The following ATP8B4 variants were observed in gnomAD, a reference collection of about 807,000 sequenced individuals.
The protein encoded by ATP8B4 is ATPase phospholipid transporting 8B4 (putative), also known as probable phospholipid-transporting ATPase IM.
ATP8B4 carries 133 observed loss-of-function variants against 145.6 expected under a neutral mutation model. The ratio of observed to expected loss-of-function variants is 0.91; its 90% CI spans 0.79 to 1.05. ATP8B4 has a LOEUF of 1.05. Ranked by LOEUF, ATP8B4 falls within the 50% of genes least tolerant of loss-of-function variation. The pLI is 0.00. For synonymous variants in ATP8B4, 507 were observed against 492.9 expected, an observed-to-expected ratio of 1.03 and a Z score of -0.38; for missense variants, 1,458 against 1,425.2, an observed-to-expected ratio of 1.02 and a Z score of -0.37.
At chr15:49,915,310 G>A (rs1416724797) in intron 20 of ATP8B4, among the ~76,000 whole-genome samples, 1 of 152,114 alleles carries the variant, frequency 6.6e-6, no homozygotes, top group Non-Finnish European at 1.5e-5. Flanking sequence ...AGGTTGTATG[G>A]GTGGGAATGC....
rs536274400 is a variant in ATP8B4 at position 49,966,699 on chromosome 15, G to A, written c.1244-4679C>T. Among the ~76,000 whole-genome samples, 5 of 152,336 alleles carry A rather than the reference G, an allele frequency of 3.3e-5. No homozygotes were observed. The South Asian group carries it at 1.0e-3, about 32-fold the overall frequency. ...GGTGGCTGTGCGCGCAGCGTCAGCA[G>A]AATTATATGTTCCTGCCTGCCGGCT... On this transcript the variant is annotated intron_variant, in intron 13 of 27. Transcript: ENST00000284509.
chr15:50,112,245 A>G (rs1236352630), intron 1 of ATP8B4, among the ~76,000 whole-genome samples: 1 of 152,160 alleles, frequency 6.6e-6, no homozygotes, highest in African/African-American at 2.4e-5. Flanking sequence ...CAGGCCAGGA[A>G]AAAGCACAGG....
At chr15:50,115,711 C>T (rs1349758875) in intron 1 of ATP8B4, among the ~76,000 whole-genome samples, 1 of 152,062 alleles carries the variant, frequency 6.6e-6, no homozygotes, top group Non-Finnish European at 1.5e-5. Flanking sequence ...TCATCTTCAT[C>T]ATTGTCCTCA....
At chr15:49,973,794 A>G (rs2045403810) in intron 12 of ATP8B4, among the ~76,000 whole-genome samples, 3 of 152,340 alleles carry the variant, frequency 2.0e-5, no homozygotes, top group African/African-American at 7.2e-5. Flanking sequence ...TCATAGCAAC[A>G]TAAGTTTCTA....
intron 3 of ATP8B4, among the ~76,000 whole-genome samples, chr15:50,068,692 T>C (rs566937379): frequency 6.6e-6 from 1 of 152,296 alleles, no homozygotes; most frequent in Admixed American, 6.5e-5. Flanking sequence ...GCAGGGTAAG[T>C]TTCTCATCAC....
chr15:49,891,987 G>A (rs1198080178), intron 23 of ATP8B4, among the ~76,000 whole-genome samples: 4 of 151,914 alleles, frequency 2.6e-5, no homozygotes, highest in Non-Finnish European at 4.4e-5. Flanking sequence ...ATGATGGCAC[G>A]TGCCTGTAGT....
rs2051803553 is a variant in ATP8B4 at position 50,047,339 on chromosome 15, C to T, written c.201+12G>A. The T allele has an allele frequency of 6.8e-7, 1 of 1,465,318 alleles. No individual in the cohort carries two copies. Among genetic ancestry groups the T allele is most frequent in the South Asian group, 1.1e-5 (1 of 87,132 alleles). 90.8% of individuals were successfully genotyped at this position (1,465,318 alleles called of 1,614,324 possible). On this transcript the variant is annotated intron_variant, in intron 4 of 27. Transcript: ENST00000284509. ...ACAAACAGATAATAGAGAAATACAACCTAAATATTACCTGTAAAATCAGAA... is the reference window on the plus strand; with the variant it reads ...ACAAACAGATAATAGAGAAATACAATCTAAATATTACCTGTAAAATCAGAA...
chr15:50,132,916 C>T (rs556163926), intron 1 of ATP8B4, among the ~76,000 whole-genome samples: 2 of 151,998 alleles, frequency 1.3e-5, no homozygotes, highest in Non-Finnish European at 2.9e-5. Context: ...ACAATGAGAA[C>T]ACATGGACAC....
At chr15:50,070,294 C>T (rs947290289) in intron 3 of ATP8B4, among the ~76,000 whole-genome samples, 7 of 151,654 alleles carry the variant, frequency 4.6e-5, no homozygotes, top group African/African-American at 1.5e-4. Flanking sequence ...AAGGATATTC[C>T]GTTTAGGGGT....
At chr15:50,172,828 C>T (rs1451686683) in intron 1 of ATP8B4, among the ~76,000 whole-genome samples, 39 of 151,050 alleles carry the variant, frequency 2.6e-4, no homozygotes, top group Admixed American at 2.5e-3. Context: ...GTCTCTGCCC[C>T]GCCACCACCC....
intron 13 of ATP8B4, among the ~76,000 whole-genome samples, chr15:49,962,539 T>G (rs2044173935): frequency 6.6e-6 from 1 of 152,180 alleles, no homozygotes; most frequent in African/African-American, 2.4e-5. Flanking sequence ...TGCCAGAAAT[T>G]TAAAATAACT....
intron 25 of ATP8B4, among the ~76,000 whole-genome samples, chr15:49,872,465 C>T (rs1407516180): frequency 2.6e-5 from 4 of 152,130 alleles, no homozygotes; most frequent in Non-Finnish European, 5.9e-5. Flanking sequence ...ATATAGTCAG[C>T]TTACAGTGGA....
At chr15:50,054,598 A>G (rs1325893941) in intron 3 of ATP8B4, among the ~76,000 whole-genome samples, 2 of 152,024 alleles carry the variant, frequency 1.3e-5, no homozygotes, top group East Asian at 3.9e-4. Flanking sequence ...CCTGGCTAAC[A>G]TGGTGAAACC....
intron 6 of ATP8B4, among the ~76,000 whole-genome samples, chr15:50,030,598 G>C (rs192812000): frequency 1.3e-5 from 2 of 152,178 alleles, no homozygotes; most frequent in African/African-American, 4.8e-5. Context: ...GCTGGCTAAG[G>C]AGTGTATGAA....
rs557609511 is a variant in ATP8B4 at position 50,074,495 on chromosome 15, A to G, written c.29-310T>C. ...CTCTTAACTTCAAGTGGTTCCTAAG[A>G]GAAGGAGCTGACAAAGTCAAATGCA... On this transcript the variant is annotated intron_variant, in intron 2 of 27. Transcript: ENST00000284509. Among the ~76,000 whole-genome samples, 5 of 152,324 alleles carry G rather than the reference A, an allele frequency of 3.3e-5. No homozygotes were observed. The South Asian group carries it at 1.0e-3, about 32-fold the overall frequency.
chr15:50,081,441 G>C (rs988508186), intron 2 of ATP8B4, among the ~76,000 whole-genome samples: 7 of 152,148 alleles, frequency 4.6e-5, no homozygotes, highest in African/African-American at 1.7e-4. Context: ...AGAAGATCTT[G>C]AAGTAATTTT....
intron 25 of ATP8B4, among the ~76,000 whole-genome samples, chr15:49,867,874 T>C (rs1402505899): frequency 1.3e-5 from 2 of 152,140 alleles, no homozygotes; most frequent in Non-Finnish European, 2.9e-5. Context: ...AGTCAATGAA[T>C]AGAACTAAAT....
At chr15:50,103,887 T>C (rs1025533764) in intron 2 of ATP8B4, among the ~76,000 whole-genome samples, 3 of 152,184 alleles carry the variant, frequency 2.0e-5, no homozygotes, top group African/African-American at 7.2e-5. Context: ...AACAGGCATG[T>C]AGACCAATGC....
chr15:50,044,542 GA>G, intron 5 of ATP8B4, 51 bp downstream of exon 5: 2 of 1,269,684 alleles, frequency 1.6e-6, no homozygotes. Context: ...CTATTTCTGA[GA>G]AGCCACAACT....
Sources: allele counts gnomAD v4.1 joint callset (sites outside exome capture counted in the v4.1 genomes callset), GRCh38; gene constraint gnomAD v4.1.1; transcripts MANE v1.5; gene names NCBI Gene and HGNC (gene_info 2026-07-23, HGNC 2026-07-21).